SDK1: variants seen among roughly 807,000 people sequenced by gnomAD.
SDK1 encodes protein sidekick-1.
In SDK1, 157 loss-of-function variants were observed where a neutral mutation model predicts 245.5. The ratio of observed to expected loss-of-function variants is 0.64; its 90% CI spans 0.56 to 0.73. The LOEUF (loss-of-function observed/expected upper bound fraction) is 0.73. SDK1 is among the 30% of genes least tolerant of loss of function. The pLI is 0.00. For missense variants in SDK1, 3,583 were observed against 3,002.3 expected, an observed-to-expected ratio of 1.19 and a Z score of -4.52; for synonymous variants, 1,647 against 1,278.5, an observed-to-expected ratio of 1.29 and a Z score of -6.15.
intron 1 of SDK1, among the ~76,000 whole-genome samples, chr7:3,468,415 C>A (rs1057203653): frequency 6.6e-6 from 1 of 152,042 alleles, no homozygotes; most frequent in African/African-American, 2.4e-5. Flanking sequence ...CATTCTCCCC[C>A]GAATCTACCC....
At chr7:3,511,634 T>G (rs967124644) in intron 1 of SDK1, among the ~76,000 whole-genome samples, 11 of 152,116 alleles carry the variant, frequency 7.2e-5, no homozygotes, top group African/African-American at 2.7e-4. Context: ...TCTGGGTGAT[T>G]GTGTTAAGTG....
rs140431311 is a variant in SDK1, at chr7:3,925,029, C to T, written c.848-25894C>T. On this transcript the variant is annotated intron_variant, in intron 5 of 44. Coordinates refer to ENST00000404826, the MANE Select transcript of SDK1 (RefSeq NM_152744.4). Reference sequence around the variant, plus strand: ...AGACTCTTAATGTGATTCTTGACAACTGATTTGTCAGCTCATTTTCCCCTT... The same window carrying T: ...AGACTCTTAATGTGATTCTTGACAATTGATTTGTCAGCTCATTTTCCCCTT... Among the ~76,000 whole-genome samples the T allele has an allele frequency of 4.8e-4, 73 of 152,290 alleles. No individual in the cohort carries two copies. In the East Asian group the frequency reaches 8.5e-3, roughly 18 times the overall value.
intron 5 of SDK1, among the ~76,000 whole-genome samples, chr7:3,921,890 C>T (rs187162344): frequency 4.9e-4 from 75 of 151,800 alleles, no homozygotes; most frequent in African/African-American, 1.8e-3. Context: ...CACCTGAGCC[C>T]AGGAGGTCAA....
At chr7:3,546,779 T>TA (rs1193196474) in intron 1 of SDK1, among the ~76,000 whole-genome samples, 21 of 152,318 alleles carry the variant, frequency 1.4e-4, no homozygotes, top group African/African-American at 4.8e-4. Context: ...TCTCTCATAT[T>TA]AGTGCATTTG....
At chr7:3,515,770 A>G (rs549292841) in intron 1 of SDK1, among the ~76,000 whole-genome samples, 86 of 152,326 alleles carry the variant, frequency 5.6e-4, no homozygotes, top group African/African-American at 1.8e-3. Flanking sequence ...GAAATTACAC[A>G]TGCATTATTT....
chr7:3,497,608 T>C (rs531617001), intron 1 of SDK1, among the ~76,000 whole-genome samples: 1 of 152,326 alleles, frequency 6.6e-6, no homozygotes, highest in East Asian at 1.9e-4. Context: ...TTAATTATGG[T>C]AATATCCTCC....
intron 1 of SDK1, among the ~76,000 whole-genome samples, chr7:3,376,532 C>G (rs557967381): frequency 6.6e-6 from 1 of 152,174 alleles, no homozygotes; most frequent in East Asian, 1.9e-4. Context: ...AGATATTAGC[C>G]AAGAAATATA....
Position 3,392,854 on chromosome 7 carries a change from C to G in SDK1, c.298+90970C>G, listed in dbSNP as rs115951449. ...ATGCGTATATCGCATTTCGTGTATT[C>G]ATTCATTTGTTGATGGACACTTGGG... On this transcript the variant is annotated intron_variant, in intron 1 of 44. Coordinates refer to ENST00000404826, the MANE Select transcript of SDK1 (RefSeq NM_152744.4). Among the ~76,000 whole-genome samples the G allele has an allele frequency of 2.5e-3, 378 of 151,390 alleles. 4 individuals are homozygous for G. Among genetic ancestry groups the G allele is most frequent in the African/African-American group, 8.8e-3 (362 of 41,248 alleles).
chr7:3,857,261 T>C (rs76125235), intron 5 of SDK1, among the ~76,000 whole-genome samples: 2,122 of 151,780 alleles, frequency 0.014, 57 homozygotes, highest in African/African-American at 0.049. Context: ...ACACAGTCAG[T>C]GCAGCAGGAC....
At chr7:4,246,804 C>T (rs1562477688) in intron 44 of SDK1, among the ~76,000 whole-genome samples, 1 of 152,264 alleles carries the variant, frequency 6.6e-6, no homozygotes, top group Non-Finnish European at 1.5e-5. Flanking sequence ...CCAGGGCCTA[C>T]CCGCCTCAGG....
Position 4,126,653 on chromosome 7 carries a change from G to A in SDK1, c.3824-728G>A, listed in dbSNP as rs1456704572. 2.6e-5 allele frequency among the ~76,000 whole-genome samples: 4 copies of A among 152,214 alleles called. No homozygotes were observed. In the East Asian group the frequency reaches 5.8e-4, roughly 22 times the overall value. On this transcript the variant is annotated intron_variant, in intron 25 of 44. Transcript: ENST00000404826. ...GGAGAATGGCTTGAACCCAGGAGGCGAAGTTGCAGTGAGCCAAGATCGCAC... is the reference window on the plus strand; with the variant it reads ...GGAGAATGGCTTGAACCCAGGAGGCAAAGTTGCAGTGAGCCAAGATCGCAC...
intron 1 of SDK1, among the ~76,000 whole-genome samples, chr7:3,317,299 T>C (rs969721827): frequency 6.6e-6 from 1 of 152,060 alleles, no homozygotes; most frequent in South Asian, 2.1e-4. Flanking sequence ...GTAAGGTTTT[T>C]AAGGCAAGCA....
At chr7:3,801,825 A>T (rs1022136803) in intron 4 of SDK1, among the ~76,000 whole-genome samples, 1 of 152,074 alleles carries the variant, frequency 6.6e-6, no homozygotes, top group Admixed American at 6.5e-5. Context: ...CTCCGTCTTC[A>T]TGTGGTTCTC....
intron 1 of SDK1, among the ~76,000 whole-genome samples, chr7:3,342,811 G>A (rs1350240255): frequency 6.6e-6 from 1 of 152,118 alleles, no homozygotes; most frequent in Admixed American, 6.5e-5. Flanking sequence ...CCTAGAATAT[G>A]TAAAGAACTT....
chr7:3,866,064 T>G (rs1426523469), intron 5 of SDK1, among the ~76,000 whole-genome samples: 1 of 152,208 alleles, frequency 6.6e-6, no homozygotes, highest in Non-Finnish European at 1.5e-5. Flanking sequence ...GAATACAGAA[T>G]AAAACATTAT....
intron 4 of SDK1, among the ~76,000 whole-genome samples, chr7:3,773,717 G>T (rs1461164199): frequency 6.6e-6 from 1 of 152,108 alleles, no homozygotes; most frequent in Non-Finnish European, 1.5e-5. Context: ...TGTTTTGCTG[G>T]TTGTTGTAGG....
chr7:3,858,751 C>G (rs1288232270), intron 5 of SDK1, among the ~76,000 whole-genome samples: 1 of 150,152 alleles, frequency 6.7e-6, no homozygotes, highest in Admixed American at 6.7e-5. Flanking sequence ...TTGCAAACAT[C>G]AACTAATAAA....
At chr7:4,251,431 C>G (rs1272629310) in intron 44 of SDK1, among the ~76,000 whole-genome samples, 1 of 152,218 alleles carries the variant, frequency 6.6e-6, no homozygotes, top group Non-Finnish European at 1.5e-5. Flanking sequence ...ACACTTAGTC[C>G]TCCACCAGAG....
At chr7:4,092,448 G>A (rs1370290501) in intron 22 of SDK1, among the ~76,000 whole-genome samples, 2 of 152,150 alleles carry the variant, frequency 1.3e-5, no homozygotes, top group Non-Finnish European at 2.9e-5. Flanking sequence ...TCCAGGCAGC[G>A]GGGCCCTTGA....
Sources: allele counts gnomAD v4.1 joint callset (sites outside exome capture counted in the v4.1 genomes callset), GRCh38; gene constraint gnomAD v4.1.1; transcripts MANE v1.5; gene names NCBI Gene and HGNC (gene_info 2026-07-23, HGNC 2026-07-21).